The following ZC3H3 variants were observed in gnomAD, a reference collection of about 807,000 sequenced individuals.
ZC3H3 encodes zinc finger CCCH-type containing 3, also known as zinc finger CCCH domain-containing protein 3.
ZC3H3 carries 36 observed loss-of-function variants against 77.3 expected under a neutral mutation model. The observed-to-expected ratio is 0.47, with a 90% CI of 0.36 to 0.61. ZC3H3 has a LOEUF of 0.61. ZC3H3 is among the 20% of genes least tolerant of loss of function. The pLI is 0.00. For missense variants in ZC3H3, 1,331 were observed against 1,312.2 expected (o/e 1.01, Z -0.22); for synonymous variants, 626 against 555.2 (o/e 1.13, Z -1.79).
At chr8:143,534,925 C>A (rs1822744380) in intron 3 of ZC3H3, among the ~76,000 whole-genome samples, 1 of 152,138 alleles carries the variant, frequency 6.6e-6, no homozygotes, top group South Asian at 2.1e-4. Flanking sequence ...CCATTCAGCC[C>A]TCCACCTGGG....
chr8:143,442,407 G>T (rs1242678174), intron 9 of ZC3H3, among the ~76,000 whole-genome samples: 14 of 120,084 alleles, frequency 1.2e-4, no homozygotes, highest in African/African-American at 4.4e-4. Flanking sequence ...GGCCGGGGGG[G>T]GTGGGGGGGC....
At chr8:143,516,623 G>A (rs2130450333) in intron 3 of ZC3H3, among the ~76,000 whole-genome samples, 1 of 151,562 alleles carries the variant, frequency 6.6e-6, no homozygotes, top group Non-Finnish European at 1.5e-5. Context: ...AGACTGCAGA[G>A]GACCCCAGCC....
intron 3 of ZC3H3, among the ~76,000 whole-genome samples, chr8:143,513,256 C>T (rs1821928995): frequency 6.6e-6 from 1 of 152,108 alleles, no homozygotes; most frequent in South Asian, 2.1e-4. Context: ...GCTCAAAGGC[C>T]CCTCACACCC....
chr8:143,482,459 T>C (rs1820932210), intron 4 of ZC3H3, among the ~76,000 whole-genome samples: 1 of 152,092 alleles, frequency 6.6e-6, no homozygotes, highest in Admixed American at 6.5e-5. Flanking sequence ...TCCCAGGACC[T>C]TAAGAGGTCC....
intron 3 of ZC3H3, among the ~76,000 whole-genome samples, chr8:143,526,450 A>AC (rs1822415653): frequency 6.6e-6 from 1 of 152,292 alleles, no homozygotes; most frequent in African/African-American, 2.4e-5. Context: ...GGGAACCAGG[A>AC]CTTCCTTCCC....
chr8:143,529,262 G>A (rs1039260586), intron 3 of ZC3H3, among the ~76,000 whole-genome samples: 1 of 152,094 alleles, frequency 6.6e-6, no homozygotes, highest in Non-Finnish European at 1.5e-5. Flanking sequence ...TGGGGACAGA[G>A]GGACAGAGGG....
At position 143,493,728 on chromosome 8, in the gene ZC3H3, G is replaced by A. The variant is rs1279274709; in HGVS notation, c.1715+14018C>T. Reference sequence around the variant, plus strand: ...AAACCGTATCTCAGCCCATTTATTAGAATGATGAAGGCAAAAGGGATCTAA... The same window carrying A: ...AAACCGTATCTCAGCCCATTTATTAAAATGATGAAGGCAAAAGGGATCTAA... On this transcript the variant is annotated intron_variant, in intron 4 of 11. Coordinates refer to ENST00000262577, the MANE Select transcript of ZC3H3 (RefSeq NM_015117.3). The surrounding 1 kb of genome is among the most constrained non-coding windows in gnomAD (Gnocchi z 4.8). Among the ~76,000 whole-genome samples the A allele has an allele frequency of 6.6e-6, 1 of 152,214 alleles. No homozygotes were observed. The highest frequency in any genetic ancestry group is 1.5e-5 in the Non-Finnish European group (1 of 68,036).
chr8:143,536,421 G>A lies in ZC3H3; in HGVS notation c.1397C>T (p.Pro466Leu). Residue 466 changes from proline (P) to leucine (L), a missense_variant, in exon 3 of 12, where the codon CCT becomes CTT. Transcript: ENST00000262577. ...GAGGTGGCTCTTGGCGGTGGCGGCA[G>A]GTGAGGTGCCGCTTTTCTTGTCTCC... ...LPGDKKSGTS[P>L]AATAKSHLSL... The A allele has an allele frequency of 6.5e-7, 1 of 1,543,226 alleles. No homozygotes were observed. Among genetic ancestry groups the A allele is most frequent in the South Asian group, 1.2e-5 (1 of 84,178 alleles).
At chr8:143,464,988 C>T (rs117239240) in intron 9 of ZC3H3, among the ~76,000 whole-genome samples, 1 of 152,042 alleles carries the variant, frequency 6.6e-6, no homozygotes, top group Non-Finnish European at 1.5e-5. Flanking sequence ...CTGCTTGTGG[C>T]GGGGAGTCCT....
Position 143,502,909 on chromosome 8 carries a change from G to A in ZC3H3, c.1715+4837C>T, listed in dbSNP as rs896944. Among the ~76,000 whole-genome samples the A allele has an allele frequency of 8.5e-3, 1,290 of 152,344 alleles. 9 individuals are homozygous for A. The highest frequency in any genetic ancestry group is 0.029 in the African/African-American group (1,222 of 41,578). ...TTCACTTCAAGGCAGCAGTCCTGGG[G>A]CCCGGGGGAGGGCTGGCCAAGGCCG... On this transcript the variant is annotated intron_variant, in intron 4 of 11. Coordinates refer to ENST00000262577, the MANE Select transcript of ZC3H3 (RefSeq NM_015117.3).
chr8:143,534,971 C>T (rs893811566), intron 3 of ZC3H3, among the ~76,000 whole-genome samples: 7 of 152,110 alleles, frequency 4.6e-5, no homozygotes, highest in Admixed American at 1.3e-4. Flanking sequence ...AGCCCCCACA[C>T]GGCTCTTGGG....
At chr8:143,446,883 G>A (rs1043995081) in intron 9 of ZC3H3, among the ~76,000 whole-genome samples, 3 of 152,240 alleles carry the variant, frequency 2.0e-5, no homozygotes, top group Non-Finnish European at 2.9e-5. Context: ...CTAATTGGTC[G>A]TCTGCCTTTT....
chr8:143,491,999 C>T (rs759375264), intron 4 of ZC3H3, among the ~76,000 whole-genome samples: 2 of 152,176 alleles, frequency 1.3e-5, no homozygotes, highest in Admixed American at 6.5e-5. Context: ...AGCACCTAAG[C>T]GTGGCTCGTA....
At chr8:143,464,690 C>T (rs764199587) in intron 9 of ZC3H3, among the ~76,000 whole-genome samples, 23 of 152,162 alleles carry the variant, frequency 1.5e-4, no homozygotes, top group South Asian at 4.1e-4. Context: ...CTCGGCTTCA[C>T]GGGGGCTGCA....
At chr8:143,481,578 C>T (rs1244514941) in intron 4 of ZC3H3, among the ~76,000 whole-genome samples, 1 of 152,226 alleles carries the variant, frequency 6.6e-6, no homozygotes, top group Non-Finnish European at 1.5e-5. Flanking sequence ...AAGATTTCTT[C>T]CTGCCAAGCG....
chr8:143,447,178 C>T (rs1280514080), intron 9 of ZC3H3, among the ~76,000 whole-genome samples: 2 of 152,230 alleles, frequency 1.3e-5, no homozygotes, highest in African/African-American at 4.8e-5. Context: ...TACCACAGCA[C>T]CCAGCCCTGC....
In ZC3H3 at chr8:143,438,779, A is replaced by C. The variant is rs535108534; in HGVS notation, c.2816-692T>G. On this transcript the variant is annotated intron_variant, in intron 11 of 11. Transcript: ENST00000262577. ...ATGTCTCCGTGTAGCTGCCCACAGG[A>C]CTGGGCCTGCCCAGGTGCCCCTCTT... 1.2e-4 allele frequency among the ~76,000 whole-genome samples: 19 copies of C among 152,282 alleles called. No homozygotes were observed. The South Asian group carries it at 2.7e-3, about 22-fold the overall frequency.
chr8:143,493,999 G>A lies in ZC3H3; in HGVS notation c.1715+13747C>T, dbSNP rs1250716241. The stretch of plus-strand genomic sequence containing the variant: ...CATCACATTAACTTTTACAGCACTT[G>A]GGGAGCCGTAACCGCCTGTTCCCAT... On this transcript the variant is annotated intron_variant, in intron 4 of 11. Transcript: ENST00000262577. The surrounding 1 kb of genome is among the most constrained non-coding windows in gnomAD (Gnocchi z 4.8). Among the ~76,000 whole-genome samples the A allele has an allele frequency of 6.6e-6, 1 of 152,202 alleles. No individual in the cohort carries two copies. Among genetic ancestry groups the A allele is most frequent in the Non-Finnish European group, 1.5e-5 (1 of 68,030 alleles).
At chr8:143,519,068 C>G (rs1454826660) in intron 3 of ZC3H3, among the ~76,000 whole-genome samples, 1 of 152,264 alleles carries the variant, frequency 6.6e-6, no homozygotes, top group African/African-American at 2.4e-5. Context: ...GGCCAGGGTG[C>G]AGCGAGCACT....
Sources: gnomAD v4.1 joint callset for allele counts (sites outside exome capture counted in the v4.1 genomes callset) on GRCh38, gnomAD v4.1.1 for gene constraint, Gnocchi (gnomAD v3.1) non-coding constraint, MANE v1.5 for transcripts, NCBI Gene and HGNC (gene_info 2026-07-23, HGNC 2026-07-21) for gene names.